The following PPFIA2 variants were observed in gnomAD, a reference collection of about 807,000 sequenced individuals.
The protein encoded by PPFIA2 is liprin-alpha-2.
In PPFIA2, 46 loss-of-function variants were observed where a neutral mutation model predicts 175.5. The ratio of observed to expected loss-of-function variants is 0.26; its 90% confidence interval spans 0.21 to 0.34. The LOEUF is 0.34. Ranked by LOEUF, PPFIA2 falls within the 10% of genes least tolerant of loss-of-function variation. The probability of loss-of-function intolerance (pLI) is 1.00; values close to 1 mark genes in which losing one functional copy is unlikely to be tolerated. For missense variants in PPFIA2, 1,179 were observed against 1,506.1 expected, an observed-to-expected ratio of 0.78 and a Z score of 3.60; for synonymous variants, 568 against 511.4, an observed-to-expected ratio of 1.11 and a Z score of -1.49.
At chr12:81,518,461 T>A (rs544174290) in intron 4 of PPFIA2, among the ~76,000 whole-genome samples, 6 of 152,286 alleles carry the variant, frequency 3.9e-5, no homozygotes, top group Non-Finnish European at 7.3e-5. Flanking sequence ...CCACTGCAGA[T>A]CACTCCTCCA....
intron 7 of PPFIA2, among the ~76,000 whole-genome samples, chr12:81,424,217 A>G (rs938936062): frequency 6.6e-6 from 1 of 152,068 alleles, no homozygotes; most frequent in Non-Finnish European, 1.5e-5. Context: ...ATTGAATTAC[A>G]CCTATAAAAT....
chr12:81,306,181 TA>T (rs565129236), intron 22 of PPFIA2, among the ~76,000 whole-genome samples: 3 of 152,262 alleles, frequency 2.0e-5, no homozygotes, highest in African/African-American at 7.2e-5. Context: ...TCTCAGCCTT[TA>T]ATTGGTCCTT....
intron 9 of PPFIA2, among the ~76,000 whole-genome samples, chr12:81,377,265 G>T (rs1025315608): frequency 6.6e-6 from 1 of 152,116 alleles, no homozygotes; most frequent in African/African-American, 2.4e-5. Context: ...TAATAGATCA[G>T]CCAGAGGCGA....
intron 4 of PPFIA2, among the ~76,000 whole-genome samples, chr12:81,619,067 C>T (rs1205743690): frequency 6.6e-6 from 1 of 152,186 alleles, no homozygotes; most frequent in Non-Finnish European, 1.5e-5. Context: ...GATCACCACA[C>T]TGTCTTTGGG....
intron 4 of PPFIA2, among the ~76,000 whole-genome samples, chr12:81,554,556 A>G (rs2068508554): frequency 6.6e-6 from 1 of 152,082 alleles, no homozygotes; most frequent in Non-Finnish European, 1.5e-5. Flanking sequence ...TTAAGATCCA[A>G]CAAAATCTAC....
intron 4 of PPFIA2, among the ~76,000 whole-genome samples, chr12:81,557,155 T>C (rs917320051): frequency 2.0e-4 from 30 of 151,332 alleles, no homozygotes; most frequent in Non-Finnish European, 5.9e-5. Flanking sequence ...CCCTGATCAA[T>C]AGCTATGCAT....
At chr12:81,330,291 C>A (rs2055842100) in intron 21 of PPFIA2, among the ~76,000 whole-genome samples, 1 of 152,168 alleles carries the variant, frequency 6.6e-6, no homozygotes, top group African/African-American at 2.4e-5. Flanking sequence ...ATCTGTCTGG[C>A]AATTGCCTGT....
At chr12:81,660,317 G>C (rs891635131) in intron 4 of PPFIA2, among the ~76,000 whole-genome samples, 15 of 152,032 alleles carry the variant, frequency 9.9e-5, no homozygotes, top group African/African-American at 2.9e-4. Context: ...TAGATGAATG[G>C]CTAACTAGAA....
At chr12:81,299,407 A>C in intron 22 of PPFIA2, 25 bp from the exon 23 acceptor site, 2 of 1,555,704 alleles carry the variant, frequency 1.3e-6, no homozygotes, top group South Asian at 2.4e-5. Flanking sequence ...AAAGATTATT[A>C]GGCAGGTATA....
intron 3 of PPFIA2, among the ~76,000 whole-genome samples, chr12:81,710,366 C>T (rs1214628713): frequency 4.0e-5 from 6 of 151,760 alleles, no homozygotes; most frequent in Admixed American, 2.6e-4. Flanking sequence ...CATGTACATG[C>T]TATATATTGT....
At chr12:81,614,594 CTCA>C (rs1360335130) in intron 4 of PPFIA2, among the ~76,000 whole-genome samples, 3 of 152,136 alleles carry the variant, frequency 2.0e-5, no homozygotes, top group Non-Finnish European at 4.4e-5. Context: ...TTATTTCTTA[CTCA>C]TCAAGATCTC....
In PPFIA2 at chr12:81,273,210, A is replaced by G. The variant is rs888695698; in HGVS notation, c.3310+4107T>C. Among the ~76,000 whole-genome samples, 6 of 152,236 alleles carry G rather than the reference A, an allele frequency of 3.9e-5. No individual in the cohort carries two copies. In the East Asian group the frequency reaches 1.2e-3, roughly 29 times the overall value. Reference sequence around the variant, plus strand: ...CTTGGAAGTCCACAAATGTCTCTAGAGGAGTATTGTATAAATGGTCAGTCT... The same window carrying G: ...CTTGGAAGTCCACAAATGTCTCTAGGGGAGTATTGTATAAATGGTCAGTCT... On this transcript the variant is annotated intron_variant, in intron 28 of 32. Transcript: ENST00000549396.
intron 28 of PPFIA2, among the ~76,000 whole-genome samples, chr12:81,268,682 A>G (rs551635137): frequency 6.6e-6 from 1 of 152,336 alleles, no homozygotes; most frequent in African/African-American, 2.4e-5. Flanking sequence ...TCTTGTTTTC[A>G]TACTAGAGAA....
At chr12:81,692,133 C>CACACAA (rs1323419935) in intron 3 of PPFIA2, among the ~76,000 whole-genome samples, 10 of 151,528 alleles carry the variant, frequency 6.6e-5, no homozygotes, top group South Asian at 2.1e-4. Flanking sequence ...CACACACACA[C>CACACAA]AAAACCTGTC....
intron 8 of PPFIA2, among the ~76,000 whole-genome samples, chr12:81,399,278 T>C (rs1220266405): frequency 2.8e-5 from 3 of 107,876 alleles, no homozygotes; most frequent in East Asian, 5.7e-4. Flanking sequence ...TCTTTGGAAA[T>C]ATCCTTCTTC....
chr12:81,347,259 T>A (rs1354059841), intron 18 of PPFIA2, among the ~76,000 whole-genome samples: 1 of 152,134 alleles, frequency 6.6e-6, no homozygotes, highest in African/African-American at 2.4e-5. Flanking sequence ...AGAAATTCAT[T>A]GACATTTATA....
intron 3 of PPFIA2, among the ~76,000 whole-genome samples, chr12:81,717,196 A>C (rs773408121): frequency 6.6e-6 from 1 of 151,782 alleles, no homozygotes; most frequent in Non-Finnish European, 1.5e-5. Context: ...CATTATATAA[A>C]TGAATGATTA....
At chr12:81,498,922 A>G (rs1274508013) in intron 4 of PPFIA2, among the ~76,000 whole-genome samples, 2 of 152,128 alleles carry the variant, frequency 1.3e-5, no homozygotes, top group African/African-American at 2.4e-5. Context: ...CGTGCCCGGC[A>G]TCATGGGGAT....
chr12:81,331,419 T>C (rs1383325628), intron 21 of PPFIA2, among the ~76,000 whole-genome samples: 1 of 152,218 alleles, frequency 6.6e-6, no homozygotes, highest in Non-Finnish European at 1.5e-5. Context: ...AATGTATCCT[T>C]ATCATTAAAC....
Sources: allele counts gnomAD v4.1 joint callset (sites outside exome capture counted in the v4.1 genomes callset), GRCh38; gene constraint gnomAD v4.1.1; transcripts MANE v1.5; gene names NCBI Gene and HGNC (gene_info 2026-07-23, HGNC 2026-07-21).